TFAP2B: variants seen among roughly 807,000 people sequenced by gnomAD.
TFAP2B encodes transcription factor AP-2-beta.
Under a neutral mutation model 44.3 loss-of-function variants are expected in TFAP2B, and 9 were observed. The observed-to-expected ratio is 0.20, with a 90% CI of 0.12 to 0.35. The LOEUF is 0.35. Ranked by LOEUF, TFAP2B falls within the 10% of genes least tolerant of loss-of-function variation. The probability of loss-of-function intolerance (pLI) is 1.00; values close to 1 mark genes in which losing one functional copy is unlikely to be tolerated. For missense variants in TFAP2B, 509 were observed against 600.0 expected (o/e 0.85, Z 1.59); for synonymous variants, 270 against 263.8 (o/e 1.02, Z -0.23).
chr6:50,827,527 C>A (rs1770561665), intron 2 of TFAP2B, among the ~76,000 whole-genome samples: 1 of 152,152 alleles, frequency 6.6e-6, no homozygotes, highest in Non-Finnish European at 1.5e-5. Flanking sequence ...GTGATGAACT[C>A]ACACTGTGAG....
Position 50,823,750 on chromosome 6 carries a change from A to T in TFAP2B, c.425A>T (p.His142Leu). 6.2e-7 allele frequency: 1 copy of T among 1,606,572 alleles called. No individual in the cohort carries two copies. The highest frequency in any genetic ancestry group is 8.5e-7 in the Non-Finnish European group (1 of 1,176,712). Reference protein sequence around the residue: ...LSGLDPRRDYHSVRRPDVLLH... With the variant: ...LSGLDPRRDYLSVRRPDVLLH... ...GGCCTTGACCCCCGGAGGGACTACC[A>T]CTCGGTCCGCCGGCCGGACGTGCTG... is the stretch of plus-strand genomic sequence containing the variant. The change falls in exon 2 of 7, where the codon CAC (histidine) becomes CTC (leucine). Residue 142 changes from histidine to leucine, a missense_variant. By Grantham distance (99) the His-to-Leu change is moderately conservative. Transcript: ENST00000393655.
At chr6:50,835,512 G>A (rs762784184) in intron 3 of TFAP2B, among the ~76,000 whole-genome samples, 38 of 152,264 alleles carry the variant, frequency 2.5e-4, no homozygotes, top group Admixed American at 1.3e-3. Context: ...AGTATCTGAT[G>A]GGGTCCACCC....
intron 3 of TFAP2B, among the ~76,000 whole-genome samples, chr6:50,834,488 A>G (rs1312703971): frequency 6.6e-6 from 1 of 152,192 alleles, no homozygotes; most frequent in African/African-American, 2.4e-5. Flanking sequence ...TCTTTTCCAC[A>G]AGGTGTTTGT....
rs893289503 is a variant in TFAP2B, at chr6:50,845,324, T to G, written c.*1932T>G. ...CGCTTTGCCTTGGTGGGGGTGGGGA[T>G]TGGGGGAGTGGGGATTGCGTTGGGG... On this transcript the variant is annotated 3_prime_UTR_variant, in exon 7 of 7. Coordinates refer to ENST00000393655, the MANE Select transcript of TFAP2B (RefSeq NM_003221.4). 1.3e-5 allele frequency: 2 copies of G among 152,056 alleles called. No homozygotes were observed. Among genetic ancestry groups the G allele is most frequent in the Non-Finnish European group, 2.9e-5 (2 of 68,040 alleles). The allele number at this position is 152,056 out of a possible 1,614,324, so 9.4% of individuals were successfully genotyped here. A position where few individuals can be genotyped will look rare whatever the true frequency, so the allele number is the denominator to read the frequency against.
At position 50,843,335 on chromosome 6, in the gene TFAP2B, G is replaced by C; in HGVS notation, c.1326G>C (p.Thr442=). Residue 442 remains threonine (T), a synonymous_variant, in exon 7 of 7, where the codon ACG becomes ACC. Coordinates refer to ENST00000393655, the MANE Select transcript of TFAP2B (RefSeq NM_003221.4). ...FLNNTTTNRH[T]SGEGPGSKTG... ...ACAACACCACCACTAACAGGCACACGTCTGGGGAAGGCCCAGGTAGTAAAA... is the reference window on the plus strand; with the variant it reads ...ACAACACCACCACTAACAGGCACACCTCTGGGGAAGGCCCAGGTAGTAAAA... 1 of 1,614,156 alleles carries C rather than the reference G, an allele frequency of 6.2e-7. No individual in the cohort carries two copies. Among genetic ancestry groups the C allele is most frequent in the Non-Finnish European group, 8.5e-7 (1 of 1,180,042 alleles).
intron 4 of TFAP2B, 86 bp from the exon 5 acceptor site, chr6:50,837,889 C>T (rs180996624): frequency 2.2e-4 from 241 of 1,071,218 alleles, no homozygotes; most frequent in Admixed American, 5.9e-4. Context: ...CCTCTTCAAG[C>T]TCCACTGGGC....
intron 2 of TFAP2B, among the ~76,000 whole-genome samples, chr6:50,827,353 A>G (rs1358603240): frequency 6.6e-6 from 1 of 152,256 alleles, no homozygotes; most frequent in African/African-American, 2.4e-5. Context: ...GGCATGTTGC[A>G]GCAAGGATAA....
chr6:50,842,953 G>A (rs528759608), intron 6 of TFAP2B, 139 bp from the exon 7 acceptor site: 14 of 1,219,840 alleles, frequency 1.1e-5, no homozygotes, highest in Admixed American at 3.4e-5. Context: ...CGCTGGGAAA[G>A]GAAACAGAGC....
intron 3 of TFAP2B, 48 bp from the exon 4 acceptor site, chr6:50,836,013 A>C (rs1420559449): frequency 1.4e-6 from 2 of 1,440,150 alleles, no homozygotes; most frequent in Non-Finnish European, 2.0e-6. Flanking sequence ...GCCGGTCATC[A>C]GGATCGAAAC....
chr6:50,820,296 TAA>T (rs1770303734), intron 1 of TFAP2B, among the ~76,000 whole-genome samples: 1 of 152,142 alleles, frequency 6.6e-6, no homozygotes, highest in Non-Finnish European at 1.5e-5. Flanking sequence ...TCGAAGATCC[TAA>T]GAGTGGGCGA....
chr6:50,829,964 C>G (rs1770630595), intron 3 of TFAP2B, among the ~76,000 whole-genome samples: 1 of 151,684 alleles, frequency 6.6e-6, no homozygotes, highest in Non-Finnish European at 1.5e-5. Context: ...CTCTCTCTCT[C>G]TCTCATCTTC....
In TFAP2B at chr6:50,828,703, G is replaced by T. The variant is rs749107635; in HGVS notation, c.601+24G>T. 6 of 1,613,382 alleles carry T rather than the reference G, an allele frequency of 3.7e-6. No individual in the cohort carries two copies. In the South Asian group the frequency reaches 6.6e-5, roughly 18 times the overall value. ...AGGTATGGATAATTCCCCCCAAAAAGTAAGCAAAGTTCTCTCATGCATTAA... is the reference window on the plus strand; with the variant it reads ...AGGTATGGATAATTCCCCCCAAAAATTAAGCAAAGTTCTCTCATGCATTAA... On this transcript the variant is annotated intron_variant, in intron 3 of 6. Transcript: ENST00000393655.
At chr6:50,831,098 T>C (rs936168373) in intron 3 of TFAP2B, among the ~76,000 whole-genome samples, 3 of 152,204 alleles carry the variant, frequency 2.0e-5, no homozygotes, top group African/African-American at 7.2e-5. Context: ...CCAGTTATGG[T>C]AAGGCCCCTT....
At position 50,843,269 on chromosome 6, in the gene TFAP2B, T is replaced by C. The variant is rs754438671; in HGVS notation, c.1260T>C (p.Tyr420=). ...ICAALTALQN[Y]LTEALKGMDK... is the part of the protein sequence containing the mutation. ...CCGCGCTCACGGCCCTGCAGAACTA[T>C]CTCACCGAGGCGCTCAAAGGCATGG... The change falls in exon 7 of 7, where the codon TAT becomes TAC. Residue 420 remains tyrosine (Y), a synonymous_variant. Transcript: ENST00000393655. 3.1e-6 allele frequency: 5 copies of C among 1,613,880 alleles called. No individual in the cohort carries two copies. In the Admixed American group the frequency reaches 8.3e-5, roughly 27 times the overall value.
chr6:50,846,589 C>T lies in TFAP2B; in HGVS notation c.*3197C>T, dbSNP rs575474864. 1.8e-3 allele frequency: 280 copies of T among 152,362 alleles called. 2 individuals carry two copies. The highest frequency in any genetic ancestry group is 5.8e-3 in the African/African-American group (242 of 41,568). The allele number at this position is 152,362 out of a possible 1,614,324, so 9.4% of individuals were successfully genotyped here. The stretch of plus-strand genomic sequence containing the variant: ...GGCAGTGCTGCCTTCACACTTTCCA[C>T]TTCGCAAGTTCTTTTAAAGGTTCCA... On this transcript the variant is annotated 3_prime_UTR_variant, in exon 7 of 7. Transcript: ENST00000393655.
At position 50,843,248 on chromosome 6, in the gene TFAP2B, G is replaced by A. The variant is rs767716052; in HGVS notation, c.1239G>A (p.Ala413=). 1.9e-6 allele frequency: 3 copies of A among 1,614,042 alleles called. No individual in the cohort carries two copies. The highest frequency in any genetic ancestry group is 3.3e-5 in the Admixed American group (2 of 60,002). ...HGFGAPAICA[A]LTALQNYLTE... Reference sequence around the variant, plus strand: ...TCGGCGCCCCGGCCATTTGCGCCGCGCTCACGGCCCTGCAGAACTATCTCA... The same window carrying A: ...TCGGCGCCCCGGCCATTTGCGCCGCACTCACGGCCCTGCAGAACTATCTCA... Residue 413 remains alanine, a synonymous_variant, in exon 7 of 7, where the codon GCG becomes GCA. Transcript: ENST00000393655.
chr6:50,827,188 T>C (rs927734437), intron 2 of TFAP2B, among the ~76,000 whole-genome samples: 16 of 152,204 alleles, frequency 1.1e-4, no homozygotes, highest in African/African-American at 2.9e-4. Context: ...GGAGAATATT[T>C]CTGTCCTGCC....
intron 1 of TFAP2B, among the ~76,000 whole-genome samples, chr6:50,820,252 G>T (rs1383117603): frequency 1.3e-5 from 2 of 152,192 alleles, no homozygotes; most frequent in Non-Finnish European, 2.9e-5. Flanking sequence ...CCTCCGGATC[G>T]GGACAGCTCC....
Position 50,843,290 on chromosome 6 carries a change from C to T in TFAP2B, c.1281C>T (p.Gly427=). ...ACTATCTCACCGAGGCGCTCAAAGGCATGGACAAGATGTTCTTGAACAACA... is the reference window on the plus strand; with the variant it reads ...ACTATCTCACCGAGGCGCTCAAAGGTATGGACAAGATGTTCTTGAACAACA... ...LQNYLTEALK[G]MDKMFLNNTT... is the part of the protein sequence containing the mutation. Residue 427 remains glycine, a synonymous_variant, in exon 7 of 7, where the codon GGC becomes GGT. Transcript: ENST00000393655. 6.2e-7 allele frequency: 1 copy of T among 1,614,156 alleles called. No homozygotes were observed. Among genetic ancestry groups the T allele is most frequent in the South Asian group, 1.1e-5 (1 of 91,086 alleles).
Sources: allele counts gnomAD v4.1 joint callset (sites outside exome capture counted in the v4.1 genomes callset), GRCh38; gene constraint gnomAD v4.1.1; transcripts MANE v1.5; gene names NCBI Gene and HGNC (gene_info 2026-07-23, HGNC 2026-07-21).